The following ANKRD30B variants were observed in gnomAD, a reference collection of about 807,000 sequenced individuals.
The protein encoded by ANKRD30B is ankyrin repeat domain-containing protein 30B.
A neutral mutation model predicts 202.2 loss-of-function variants in ANKRD30B; 144 were observed. The ratio of observed to expected loss-of-function variants is 0.71; its 90% CI spans 0.62 to 0.82. The LOEUF is 0.82. Ranked by LOEUF, ANKRD30B falls within the 40% of genes least tolerant of loss-of-function variation. The pLI is 0.00. For missense variants in ANKRD30B, 1,487 were observed against 1,669.1 expected (o/e 0.89, Z 1.90); for synonymous variants, 508 against 561.3 (o/e 0.91, Z 1.34).
chr18:14,799,564 T>A (rs901684386), intron 22 of ANKRD30B, among the ~76,000 whole-genome samples: 33 of 152,134 alleles, frequency 2.2e-4, no homozygotes, highest in Admixed American at 1.8e-3. Flanking sequence ...TTTCTGTACG[T>A]GCTCGGTTTT....
At chr18:14,783,708 G>A (rs1289661562) in intron 12 of ANKRD30B, among the ~76,000 whole-genome samples, 1 of 151,982 alleles carries the variant, frequency 6.6e-6, no homozygotes, top group African/African-American at 2.4e-5. Flanking sequence ...AATATTGAAA[G>A]CTTATAAATT....
chr18:14,756,465 G>A lies in ANKRD30B; in HGVS notation c.618-1350G>A, dbSNP rs555160645. Among the ~76,000 whole-genome samples the A allele has an allele frequency of 2.5e-3, 386 of 152,264 alleles. 2 individuals carry two copies. Among genetic ancestry groups the A allele is most frequent in the African/African-American group, 8.8e-3 (367 of 41,548 alleles). On this transcript the variant is annotated intron_variant, in intron 4 of 43. Transcript: ENST00000690538. ...TGCCATTGCTTTTGGTGTTTTAGAT[G>A]TGAAGTCCTTGCCCATGCCTATGTC...
intron 30 of ANKRD30B, among the ~76,000 whole-genome samples, chr18:14,818,751 C>T (rs1425646229): frequency 1.3e-5 from 2 of 151,944 alleles, no homozygotes; most frequent in Non-Finnish European, 2.9e-5. Context: ...TTTCTTAATC[C>T]AGTCTATCAT....
At chr18:14,780,773 G>A (rs754600926) in intron 11 of ANKRD30B, among the ~76,000 whole-genome samples, 1 of 142,596 alleles carries the variant, frequency 7.0e-6, no homozygotes, top group Non-Finnish European at 1.6e-5. Flanking sequence ...TGAACTTATT[G>A]ACATACGTGT....
intron 15 of ANKRD30B, among the ~76,000 whole-genome samples, chr18:14,789,397 A>G (rs1447516901): frequency 3.3e-5 from 5 of 152,106 alleles, no homozygotes; most frequent in Non-Finnish European, 5.9e-5. Flanking sequence ...TAGTTTAATG[A>G]GATCCCATTT....
chr18:14,772,384 G>GT lies in ANKRD30B; in HGVS notation c.1329+170dup, dbSNP rs61387617. ...GAAATAGGAGTAGTTGATTTAAACA[G>GT]TTTTTTTTTTTTTTACTTTAGTAAA... is the stretch of plus-strand genomic sequence containing the variant. On this transcript the variant is annotated intron_variant, in intron 9 of 43. Coordinates refer to ENST00000690538, the MANE Select transcript of ANKRD30B (RefSeq NM_001367607.2). Among the ~76,000 whole-genome samples, 178 of 148,264 alleles carry GT rather than the reference G, an allele frequency of 1.2e-3. 1 individual carries two copies. The highest frequency in any genetic ancestry group is 2.0e-3 in the East Asian group (10 of 5,008).
chr18:14,869,026 G>A, the ANKRD30B span, among the ~76,000 whole-genome samples: 1 of 152,218 alleles, frequency 6.6e-6, no homozygotes, highest in African/African-American at 2.4e-5. Context: ...CCCTAGTGGG[G>A]GAAAAGGGAA....
chr18:14,782,645 T>G, intron 12 of ANKRD30B, 31 bp downstream of exon 12: 1 of 1,450,902 alleles, frequency 6.9e-7, no homozygotes, highest in Non-Finnish European at 9.4e-7. Flanking sequence ...GAAAAGTCTT[T>G]TAACCATATG....
rs765105906 is a variant in ANKRD30B, at chr18:14,791,384, G to A, written c.1735-17G>A. On this transcript the variant is annotated splice_polypyrimidine_tract_variant and intron_variant, in intron 15 of 43. Coordinates refer to ENST00000690538, the MANE Select transcript of ANKRD30B (RefSeq NM_001367607.2). ...GATTTTTTCATTGAAATTATTTATTGATATTACTTTTAACAGAGTCCCTGT... is the reference window on the plus strand; with the variant it reads ...GATTTTTTCATTGAAATTATTTATTAATATTACTTTTAACAGAGTCCCTGT... 6.4e-7 allele frequency: 1 copy of A among 1,565,952 alleles called. No homozygotes were observed. Among genetic ancestry groups the A allele is most frequent in the Non-Finnish European group, 8.7e-7 (1 of 1,151,568 alleles).
chr18:14,898,138 A>T, the ANKRD30B span, among the ~76,000 whole-genome samples: 1 of 152,214 alleles, frequency 6.6e-6, no homozygotes, highest in Non-Finnish European at 1.5e-5. Flanking sequence ...TATGCTTAAA[A>T]GTATGTTTTC....
intron 39 of ANKRD30B, among the ~76,000 whole-genome samples, chr18:14,843,684 C>T (rs1458747222): frequency 6.6e-6 from 1 of 151,952 alleles, no homozygotes; most frequent in East Asian, 1.9e-4. Flanking sequence ...GTCCCAGCTA[C>T]TCGGGAGGCT....
the ANKRD30B span, among the ~76,000 whole-genome samples, chr18:14,928,070 C>G: frequency 6.6e-6 from 1 of 152,000 alleles, no homozygotes; most frequent in African/African-American, 2.4e-5. Context: ...TAGGTTCAAG[C>G]GATTCTCCTG....
intron 14 of ANKRD30B, 42 bp downstream of exon 14, chr18:14,784,577 T>C (rs1280080015): frequency 1.3e-6 from 2 of 1,563,304 alleles, no homozygotes; most frequent in African/African-American, 1.4e-5. Flanking sequence ...AATAGTTCAA[T>C]ATTGGACATT....
At chr18:14,864,642 C>G in the ANKRD30B span, among the ~76,000 whole-genome samples, 2 of 151,820 alleles carry the variant, frequency 1.3e-5, no homozygotes, top group African/African-American at 4.8e-5. Flanking sequence ...CCCTGGCCAG[C>G]CTTTTTTCCA....
At chr18:14,766,814 G>C (rs1247245572) in intron 7 of ANKRD30B, among the ~76,000 whole-genome samples, 3 of 152,154 alleles carry the variant, frequency 2.0e-5, no homozygotes, top group African/African-American at 7.2e-5. Flanking sequence ...AGAGTCAGAA[G>C]ACTTGGTAAA....
intron 15 of ANKRD30B, among the ~76,000 whole-genome samples, chr18:14,789,856 A>T (rs1283466011): frequency 6.6e-6 from 1 of 151,962 alleles, no homozygotes; most frequent in Non-Finnish European, 1.5e-5. Context: ...TTGGCTTAGG[A>T]TTGACTTGGA....
intron 32 of ANKRD30B, 118 bp from the exon 33 acceptor site, chr18:14,828,160 A>G (rs1970742559): frequency 6.8e-6 from 5 of 737,158 alleles, no homozygotes; most frequent in Non-Finnish European, 1.1e-5. Flanking sequence ...CTCCTGCCTC[A>G]CCTTCCCAAG....
the ANKRD30B span, among the ~76,000 whole-genome samples, chr18:14,870,263 G>A: frequency 6.6e-6 from 1 of 152,206 alleles, no homozygotes; most frequent in Non-Finnish European, 1.5e-5. Flanking sequence ...TACAGGCATG[G>A]GCCACTGCGC....
intron 1 of ANKRD30B, among the ~76,000 whole-genome samples, chr18:14,752,140 T>C (rs1913549028): frequency 6.6e-6 from 1 of 152,194 alleles, no homozygotes; most frequent in African/African-American, 2.4e-5. Flanking sequence ...ATAATTATAA[T>C]ATCTAACAAT....
Sources: allele counts gnomAD v4.1 joint callset (sites outside exome capture counted in the v4.1 genomes callset), GRCh38; gene constraint gnomAD v4.1.1; transcripts MANE v1.5; gene names NCBI Gene and HGNC (gene_info 2026-07-23, HGNC 2026-07-21).